The following KCNC2 variants were observed in gnomAD, a reference collection of about 807,000 sequenced individuals.
KCNC2 encodes the protein potassium voltage-gated channel subfamily C member 2.
Under a neutral mutation model 44.5 loss-of-function variants are expected in KCNC2, and 21 were observed. The ratio of observed to expected loss-of-function variants is 0.47; its 90% CI spans 0.33 to 0.68. KCNC2 has a LOEUF of 0.68. KCNC2 is among the 30% of genes least tolerant of loss of function. KCNC2 has a pLI of 0.01. For missense variants in KCNC2, 589 were observed against 826.2 expected, an observed-to-expected ratio of 0.71 and a Z score of 3.52; for synonymous variants, 391 against 339.1, an observed-to-expected ratio of 1.15 and a Z score of -1.68.
intron 2 of KCNC2, among the ~76,000 whole-genome samples, chr12:75,157,126 G>A (rs937400791): frequency 3.3e-5 from 5 of 151,904 alleles, no homozygotes; most frequent in East Asian, 1.9e-4. Flanking sequence ...AAGCAACAAT[G>A]TCAAGGACAG....
intron 2 of KCNC2, among the ~76,000 whole-genome samples, chr12:75,189,945 C>T (rs1392234822): frequency 1.3e-5 from 2 of 152,130 alleles, no homozygotes; most frequent in South Asian, 4.1e-4. Flanking sequence ...CTCGCCAATA[C>T]AAAAATCACT....
At position 75,095,497 on chromosome 12, in the gene KCNC2, C is replaced by T. The variant is rs114263687; in HGVS notation, c.688-44180G>A. Among the ~76,000 whole-genome samples, 627 of 151,884 alleles carry T rather than the reference C, an allele frequency of 4.1e-3. 5 individuals carry two copies. Among genetic ancestry groups the T allele is most frequent in the African/African-American group, 0.014 (599 of 41,512 alleles). On this transcript the variant is annotated intron_variant, in intron 2 of 4. Coordinates refer to ENST00000549446, the MANE Select transcript of KCNC2 (RefSeq NM_139137.4). ...TCCAACCTTCCTAGTGATTATTTCA[C>T]ATCTTGTTTTCCTTCATTCCTCCAG...
intron 4 of KCNC2, among the ~76,000 whole-genome samples, chr12:75,046,553 T>A (rs1237324002): frequency 6.6e-6 from 1 of 151,816 alleles, no homozygotes; most frequent in African/African-American, 2.4e-5. Flanking sequence ...TATAGTGATT[T>A]AAGATATTCA....
intron 2 of KCNC2, among the ~76,000 whole-genome samples, chr12:75,059,659 T>C (rs1315585525): frequency 2.6e-5 from 4 of 152,110 alleles, no homozygotes; most frequent in Non-Finnish European, 4.4e-5. Flanking sequence ...CCTTTTTATG[T>C]ATGACTAACA....
At chr12:75,205,086 C>A (rs1382241552) in intron 2 of KCNC2, among the ~76,000 whole-genome samples, 1 of 152,102 alleles carries the variant, frequency 6.6e-6, no homozygotes, top group South Asian at 2.1e-4. Context: ...ATGTCTTATG[C>A]CGCATTAAAT....
At chr12:75,142,045 G>T (rs1051110414) in intron 2 of KCNC2, among the ~76,000 whole-genome samples, 3 of 152,112 alleles carry the variant, frequency 2.0e-5, no homozygotes, top group Admixed American at 6.6e-5. Context: ...GGGAATACCT[G>T]AATTCAAATT....
chr12:75,179,011 A>G (rs1329687230), intron 2 of KCNC2, among the ~76,000 whole-genome samples: 3 of 152,048 alleles, frequency 2.0e-5, no homozygotes, highest in African/African-American at 4.8e-5. Flanking sequence ...CAAACAAAAC[A>G]GTAGAAGGAA....
chr12:75,111,749 C>G (rs12425922), intron 2 of KCNC2, among the ~76,000 whole-genome samples: 30,412 of 151,834 alleles, frequency 0.2, 3,527 homozygotes, highest in Admixed American at 0.28. Context: ...AATCGATAGA[C>G]TAGAAGAGGA....
chr12:75,064,944 T>G (rs1882683147), intron 2 of KCNC2, among the ~76,000 whole-genome samples: 1 of 151,936 alleles, frequency 6.6e-6, no homozygotes, highest in Non-Finnish European at 1.5e-5. Context: ...CTACTACATA[T>G]GTGTGTGTGT....
intron 2 of KCNC2, among the ~76,000 whole-genome samples, chr12:75,071,129 T>C (rs1327223993): frequency 2.0e-5 from 3 of 152,184 alleles, no homozygotes; most frequent in Non-Finnish European, 4.4e-5. Context: ...TTGGTCTATT[T>C]GTGTCCCACA....
intron 2 of KCNC2, among the ~76,000 whole-genome samples, chr12:75,200,891 G>A (rs1448338262): frequency 2.6e-5 from 4 of 151,702 alleles, no homozygotes; most frequent in African/African-American, 9.7e-5. Context: ...GTTAGGCATA[G>A]TGTAAGTCCT....
At chr12:75,062,015 A>T (rs954722410) in intron 2 of KCNC2, among the ~76,000 whole-genome samples, 26 of 152,210 alleles carry the variant, frequency 1.7e-4, no homozygotes, top group African/African-American at 5.1e-4. Context: ...AATAAAACGT[A>T]TGCTTTCTTC....
Position 75,048,394 on chromosome 12 carries a change from G to T in KCNC2, c.1616-77C>A, listed in dbSNP as rs1880781754. 4 of 1,220,508 alleles carry T rather than the reference G, an allele frequency of 3.3e-6. No individual in the cohort carries two copies. The East Asian group carries it at 7.8e-5, about 24-fold the overall frequency. 75.6% of individuals were successfully genotyped at this position (1,220,508 alleles called of 1,614,324 possible). ...ACAGTACAAAGAGTTTACACAGAAT[G>T]CCGGTAGTCCAGTCACTCGATATAC... On this transcript the variant is annotated intron_variant, in intron 3 of 4. Coordinates refer to ENST00000549446, the MANE Select transcript of KCNC2 (RefSeq NM_139137.4).
intron 2 of KCNC2, among the ~76,000 whole-genome samples, chr12:75,119,735 A>T (rs1887921538): frequency 2.6e-5 from 4 of 152,176 alleles, no homozygotes; most frequent in African/African-American, 9.7e-5. Flanking sequence ...TCCGTATCTG[A>T]AAGTTTTCAG....
chr12:75,128,065 AAAT>A (rs747133442), intron 2 of KCNC2, among the ~76,000 whole-genome samples: 1 of 152,230 alleles, frequency 6.6e-6, no homozygotes, highest in Non-Finnish European at 1.5e-5. Context: ...ATACAATGAA[AAAT>A]AATAACTCAA....
At chr12:75,133,970 TAGG>T (rs1889043201) in intron 2 of KCNC2, among the ~76,000 whole-genome samples, 1 of 151,532 alleles carries the variant, frequency 6.6e-6, no homozygotes, top group South Asian at 2.1e-4. Context: ...CTGGTAGGGG[TAGG>T]AGGATATAAG....
At chr12:75,091,424 T>C (rs1268836821) in intron 2 of KCNC2, among the ~76,000 whole-genome samples, 1 of 151,744 alleles carries the variant, frequency 6.6e-6, no homozygotes, top group Non-Finnish European at 1.5e-5. Flanking sequence ...TATGAGCCTG[T>C]ACTGGCAAGT....
At chr12:75,152,534 T>G (rs899570438) in intron 2 of KCNC2, among the ~76,000 whole-genome samples, 2 of 151,962 alleles carry the variant, frequency 1.3e-5, no homozygotes, top group African/African-American at 4.8e-5. Context: ...TAAAGGAAAT[T>G]TTTATTTATA....
intron 2 of KCNC2, among the ~76,000 whole-genome samples, chr12:75,199,380 G>C (rs140058156): frequency 2.6e-5 from 4 of 151,920 alleles, no homozygotes; most frequent in African/African-American, 9.6e-5. Flanking sequence ...CAAGATGTTG[G>C]TATCATGATC....
Sources: allele counts gnomAD v4.1 joint callset (sites outside exome capture counted in the v4.1 genomes callset), GRCh38; gene constraint gnomAD v4.1.1; transcripts MANE v1.5; gene names NCBI Gene and HGNC (gene_info 2026-07-23, HGNC 2026-07-21).